AUTS2: variants seen among roughly 807,000 people sequenced by gnomAD.
AUTS2 encodes activator of transcription and developmental regulator AUTS2.
In AUTS2, 17 loss-of-function variants were observed where a neutral mutation model predicts 112.4. The observed-to-expected ratio is 0.15, with a 90% CI of 0.10 to 0.23. The LOEUF (loss-of-function observed/expected upper bound fraction) is 0.23. AUTS2 is among the 10% of genes least tolerant of loss of function. The probability of loss-of-function intolerance (pLI) is 1.00; values close to 1 mark genes in which losing one functional copy is unlikely to be tolerated. For synonymous variants in AUTS2, 751 were observed against 702.7 expected (o/e 1.07, Z -1.09); for missense variants, 1,510 against 1,701.6 (o/e 0.89, Z 1.98).
At chr7:70,651,074 A>G (rs1299836628) in intron 5 of AUTS2, among the ~76,000 whole-genome samples, 2 of 152,368 alleles carry the variant, frequency 1.3e-5, no homozygotes, top group East Asian at 3.9e-4. Context: ...GATCAACTAC[A>G]GTTATTGAGC....
chr7:70,142,267 A>G (rs979650537), intron 4 of AUTS2, among the ~76,000 whole-genome samples: 5 of 152,200 alleles, frequency 3.3e-5, no homozygotes, highest in African/African-American at 1.2e-4. Context: ...GGAAAAAATG[A>G]TTTTGGAGAA....
rs1790407765 is a variant in AUTS2, at chr7:70,324,710, G to A, written c.661-111042G>A. Among the ~76,000 whole-genome samples, 4 of 152,226 alleles carry A rather than the reference G, an allele frequency of 2.6e-5. No individual in the cohort carries two copies. The South Asian group carries it at 6.2e-4, about 24-fold the overall frequency. On this transcript the variant is annotated intron_variant, in intron 4 of 18. Coordinates refer to ENST00000342771, the MANE Select transcript of AUTS2 (RefSeq NM_015570.4). ...GACAGGTTTGGTGTGGTCTAAGAAA[G>A]TAAGTCATACTCGACACTGAAACTT...
chr7:70,618,869 A>G (rs1156693460), intron 5 of AUTS2, among the ~76,000 whole-genome samples: 1 of 152,236 alleles, frequency 6.6e-6, no homozygotes, highest in Non-Finnish European at 1.5e-5. Context: ...CACTGCATTT[A>G]TCAGGATTAC....
intron 2 of AUTS2, among the ~76,000 whole-genome samples, chr7:70,037,956 T>G: frequency 1.4e-5 from 2 of 146,050 alleles, no homozygotes; most frequent in Admixed American, 6.8e-5. Context: ...TATCCTTTGA[T>G]ACCCCGCCCC....
chr7:70,706,304 C>CA (rs1554466688), intron 6 of AUTS2, among the ~76,000 whole-genome samples: 5 of 152,172 alleles, frequency 3.3e-5, no homozygotes, highest in Non-Finnish European at 7.3e-5. Flanking sequence ...GAGACAGAAA[C>CA]AGAGAATGCC....
At chr7:69,645,771 AAG>A (rs1255130999) in intron 1 of AUTS2, among the ~76,000 whole-genome samples, 3 of 151,858 alleles carry the variant, frequency 2.0e-5, no homozygotes, top group African/African-American at 7.2e-5. Flanking sequence ...GGAGCGGAAA[AAG>A]AGACTTCCAG....
At chr7:70,499,661 A>G (rs1455490710) in intron 5 of AUTS2, among the ~76,000 whole-genome samples, 1 of 152,236 alleles carries the variant, frequency 6.6e-6, no homozygotes, top group African/African-American at 2.4e-5. Flanking sequence ...TATTCTTTGG[A>G]CAGGAGAAAT....
chr7:70,471,872 G>T (rs753517692), intron 5 of AUTS2, among the ~76,000 whole-genome samples: 2 of 152,052 alleles, frequency 1.3e-5, no homozygotes, highest in South Asian at 4.1e-4. Context: ...ACAGGGATTC[G>T]TAAGGTAGCA....
intron 4 of AUTS2, among the ~76,000 whole-genome samples, chr7:70,135,490 C>G (rs1056844721): frequency 1.3e-5 from 2 of 152,048 alleles, no homozygotes; most frequent in African/African-American, 4.8e-5. Context: ...TACTAATTCA[C>G]TTTAGTTGCT....
intron 4 of AUTS2, among the ~76,000 whole-genome samples, chr7:70,249,384 A>G (rs1448531535): frequency 6.6e-6 from 1 of 152,152 alleles, no homozygotes; most frequent in African/African-American, 2.4e-5. Flanking sequence ...GCCAGTGGCT[A>G]CCACACTGGA....
At chr7:70,595,379 T>C (rs1803145914) in intron 5 of AUTS2, among the ~76,000 whole-genome samples, 1 of 152,112 alleles carries the variant, frequency 6.6e-6, no homozygotes, top group African/African-American at 2.4e-5. Context: ...TTCTGAACTA[T>C]GTTGGCATAG....
intron 5 of AUTS2, among the ~76,000 whole-genome samples, chr7:70,464,818 G>A (rs1362682959): frequency 6.6e-6 from 1 of 152,174 alleles, no homozygotes. Flanking sequence ...TGGATACCAG[G>A]ATGAGAAATT....
chr7:70,466,354 A>G (rs768947842), intron 5 of AUTS2, among the ~76,000 whole-genome samples: 1 of 152,236 alleles, frequency 6.6e-6, no homozygotes, highest in Non-Finnish European at 1.5e-5. Context: ...GAACATTGTC[A>G]TAGTGAATTT....
chr7:69,990,316 G>A (rs774938958), intron 2 of AUTS2, among the ~76,000 whole-genome samples: 1 of 152,194 alleles, frequency 6.6e-6, no homozygotes, highest in Non-Finnish European at 1.5e-5. Flanking sequence ...CCAGAGGGAA[G>A]GGAAATATGC....
intron 5 of AUTS2, among the ~76,000 whole-genome samples, chr7:70,679,275 A>G (rs2129544985): frequency 6.6e-6 from 1 of 152,324 alleles, no homozygotes. Context: ...TCAACAATAA[A>G]TACACGGGAA....
At chr7:69,606,721 C>G (rs1792739260) in intron 1 of AUTS2, among the ~76,000 whole-genome samples, 1 of 152,118 alleles carries the variant, frequency 6.6e-6, no homozygotes, top group Non-Finnish European at 1.5e-5. Flanking sequence ...AAACTTAGAT[C>G]ATTGAAGTTT....
chr7:70,649,498 T>C (rs966231171), intron 5 of AUTS2, among the ~76,000 whole-genome samples: 1 of 143,818 alleles, frequency 7.0e-6, no homozygotes, highest in African/African-American at 2.6e-5. Context: ...AGTGGTGATT[T>C]ATTTTATTTA....
intron 5 of AUTS2, among the ~76,000 whole-genome samples, chr7:70,692,681 G>T (rs73182115): frequency 0.1 from 15,360 of 151,934 alleles, 1,183 homozygotes; most frequent in East Asian, 0.42. Context: ...AGGGGGTGAT[G>T]AAGCTAGAGA....
At position 70,775,534 on chromosome 7, in the gene AUTS2, T is replaced by C. The variant is rs145296947; in HGVS notation, c.1932+148T>C. 4.8e-3 allele frequency: 3,224 copies of C among 673,432 alleles called. 19 individuals are homozygous for C. The highest frequency in any genetic ancestry group is 0.012 in the South Asian group (573 of 46,158). 41.7% of individuals were successfully genotyped at this position (673,432 alleles called of 1,614,324 possible). A position where few individuals can be genotyped will look rare whatever the true frequency, so the allele number is the denominator to read the frequency against. On this transcript the variant is annotated intron_variant, in intron 13 of 18. Coordinates refer to ENST00000342771, the MANE Select transcript of AUTS2 (RefSeq NM_015570.4). ...TGATTGGGTTTTTCAGATAGTGTGA[T>C]TGAAAATGGCCTAAACTGTTTTGCT...
Sources: allele counts gnomAD v4.1 joint callset (sites outside exome capture counted in the v4.1 genomes callset), GRCh38; gene constraint gnomAD v4.1.1; transcripts MANE v1.5; gene names NCBI Gene and HGNC (gene_info 2026-07-23, HGNC 2026-07-21).